Variants in POLQ observed in about 807,000 individuals in gnomAD.
POLQ encodes DNA polymerase theta, also known as epididymis secretory sperm binding protein.
Under a neutral mutation model 259.2 loss-of-function variants are expected in POLQ, and 233 were observed. That is an observed-to-expected ratio of 0.90 (90% CI 0.81 to 1.00). The LOEUF (loss-of-function observed/expected upper bound fraction) is 1.00, where lower values mean the gene tolerates loss of function less well. Ranked by LOEUF, POLQ falls within the 50% of genes least tolerant of loss-of-function variation. POLQ has a pLI of 0.00. For missense variants in POLQ, 2,871 were observed against 3,051.6 expected (o/e 0.94, Z 1.39); for synonymous variants, 1,025 against 1,048.8 (o/e 0.98, Z 0.44).
chr3:121,480,830 T>C (rs557563128), intron 19 of POLQ, among the ~76,000 whole-genome samples: 15 of 152,152 alleles, frequency 9.9e-5, no homozygotes, highest in African/African-American at 2.9e-4. Flanking sequence ...GTCCCTCAGC[T>C]CATAAGTGGA....
chr3:121,531,827 G>A (rs1037541369), intron 6 of POLQ, among the ~76,000 whole-genome samples: 7 of 152,218 alleles, frequency 4.6e-5, no homozygotes, highest in Non-Finnish European at 1.0e-4. Flanking sequence ...ATAGCCAGGC[G>A]AAATATGGGG....
chr3:121,509,037 C>T (rs1415084920), intron 12 of POLQ, among the ~76,000 whole-genome samples: 1 of 152,140 alleles, frequency 6.6e-6, no homozygotes, highest in African/African-American at 2.4e-5. Context: ...TCCAAAGTAT[C>T]CTTTTAGGAC....
At chr3:121,440,235 T>C in intron 26 of POLQ, 119 bp from the exon 27 acceptor site, 1 of 671,198 alleles carries the variant, frequency 1.5e-6, no homozygotes, top group Non-Finnish European at 2.5e-6. Context: ...ATTAATATCA[T>C]ATCGTCAAAT....
intron 22 of POLQ, among the ~76,000 whole-genome samples, chr3:121,468,907 C>A (rs1352804349): frequency 6.6e-6 from 1 of 152,150 alleles, no homozygotes; most frequent in Non-Finnish European, 1.5e-5. Flanking sequence ...ACTAGAAGTA[C>A]TGAATCAGGT....
chr3:121,480,463 T>TA (rs1428190608), intron 19 of POLQ, among the ~76,000 whole-genome samples: 2 of 152,078 alleles, frequency 1.3e-5, no homozygotes, highest in African/African-American at 4.8e-5. Context: ...ATTAACACTG[T>TA]AAAAAATGCA....
chr3:121,504,027 A>AT, intron 12 of POLQ, among the ~76,000 whole-genome samples: 1 of 152,186 alleles, frequency 6.6e-6, no homozygotes, highest in South Asian at 2.1e-4. Context: ...TAATTTTTGT[A>AT]TTTTGTAATT....
Position 121,460,174 on chromosome 3 carries a change from G to C in POLQ, c.7028C>G (p.Ser2343Cys), listed in dbSNP as rs746607693. 1.2e-6 allele frequency: 2 copies of C among 1,612,992 alleles called. No individual in the cohort carries two copies. The highest frequency in any genetic ancestry group is 2.2e-5 in the East Asian group (1 of 44,866). The part of the protein sequence containing the change: ...QLELRILAHL[S>C]HDRRLIQVLN... The stretch of plus-strand genomic sequence containing the variant: ...CACTTGAATGAGACGACGATCATGG[G>C]ATAAATGAGCCAAGATCCTCAGTTC... The change falls in exon 25 of 30, where the codon TCC (serine) becomes TGC (cysteine). Residue 2343 changes from serine to cysteine, a missense_variant. Coordinates refer to ENST00000264233, the MANE Select transcript of POLQ (RefSeq NM_199420.4).
At chr3:121,456,715 TGC>T (rs1560088702) in intron 25 of POLQ, among the ~76,000 whole-genome samples, 2 of 151,936 alleles carry the variant, frequency 1.3e-5, no homozygotes, top group African/African-American at 2.4e-5. Flanking sequence ...TACAAACCAC[TGC>T]TCAAGGAAAT....
chr3:121,544,971 C>A, intron 1 of POLQ, 65 bp from the exon 2 acceptor site: 1 of 989,872 alleles, frequency 1.0e-6, no homozygotes, highest in Non-Finnish European at 1.5e-6. Context: ...ACAGTTAGCC[C>A]TTCACCGTGT....
chr3:121,537,310 C>G (rs1290806959), intron 4 of POLQ, 102 bp from the exon 5 acceptor site: 2 of 692,858 alleles, frequency 2.9e-6, no homozygotes, highest in African/African-American at 3.6e-5. Context: ...TTTATATCAA[C>G]TTTTATTTTA....
rs1471668928 is a variant in POLQ, at chr3:121,509,551, CA to C, written c.1959+9del. ...ATTTTCACAAACATAATTGTTAAAACAGAACTTACCAGATAGAGAATATGAA... is the reference window on the plus strand; with the variant it reads ...ATTTTCACAAACATAATTGTTAAAACGAACTTACCAGATAGAGAATATGAA... On this transcript the variant is annotated intron_variant, in intron 12 of 29. Transcript: ENST00000264233. 1 of 1,601,328 alleles carries C rather than the reference CA, an allele frequency of 6.2e-7. No homozygotes were observed. The highest frequency in any genetic ancestry group is 1.3e-5 in the African/African-American group (1 of 74,262).
In POLQ at chr3:121,545,871, G is replaced by C. The variant is rs1021459056; in HGVS notation, c.7C>G (p.Leu3Val). 1 of 1,613,922 alleles carries C rather than the reference G, an allele frequency of 6.2e-7. No homozygotes were observed. The change falls in exon 1 of 30, where the codon CTT (leucine) becomes GTT (valine). Residue 3 changes from leucine (L) to valine (V), a missense_variant. By Grantham distance (32) the Leu-to-Val change is conservative. Coordinates refer to ENST00000264233, the MANE Select transcript of POLQ (RefSeq NM_199420.4). The part of the protein sequence containing the change: MN[L>V]LRRSGKRRRS... ...CGCCGTTTCCCACTCCGACGCAGAA[G>C]ATTCATGGCAAACTCTTCTCGGCCG... is the stretch of plus-strand genomic sequence containing the variant.
At chr3:121,433,339 G>T (rs553004802) in intron 28 of POLQ, among the ~76,000 whole-genome samples, 1 of 152,134 alleles carries the variant, frequency 6.6e-6, no homozygotes, top group Non-Finnish European at 1.5e-5. Flanking sequence ...TCTATCCATG[G>T]AGTCCCCCAA....
chr3:121,529,533 G>T, intron 7 of POLQ, 112 bp downstream of exon 7: 1 of 962,270 alleles, frequency 1.0e-6, no homozygotes, highest in Non-Finnish European at 1.6e-6. Context: ...CACCTAGTGG[G>T]CAGGCAGTGA....
At chr3:121,539,799 T>A (rs952448912) in intron 3 of POLQ, among the ~76,000 whole-genome samples, 2 of 152,160 alleles carry the variant, frequency 1.3e-5, no homozygotes, top group African/African-American at 4.8e-5. Context: ...AAGAGTCAAA[T>A]AAAATTATGC....
At position 121,489,892 on chromosome 3, in the gene POLQ, C is replaced by G. The variant is rs1242887323; in HGVS notation, c.3039G>C (p.Lys1013Asn). The change falls in exon 16 of 30, where the codon AAG becomes AAC. Residue 1013 changes from lysine (K) to asparagine (N), a missense_variant. Physicochemically the swap from Lys to Asn is moderately conservative, Grantham distance 94 (BLOSUM62 0). This residue lies in a region of POLQ where 2,080 missense variants were observed against 2,126.0 expected (regional missense o/e 0.98). Coordinates refer to ENST00000264233, the MANE Select transcript of POLQ (RefSeq NM_199420.4). ...TCTGTGAAAAAGTCTGAACAACTTT[C>G]TTATCACTTGTTTTCCCCTCATTCT... ...ASQNEGKTSD[K>N]KVVQTFSQKT... 1 of 1,601,572 alleles carries G rather than the reference C, an allele frequency of 6.2e-7. No homozygotes were observed. The highest frequency in any genetic ancestry group is 1.8e-5 in the Admixed American group (1 of 56,312).
In POLQ at chr3:121,489,672, T is replaced by C; in HGVS notation, c.3259A>G (p.Lys1087Glu). Reference sequence around the variant, plus strand: ...CCTGAATTTCTAAATTCCGTTTTCTTCTCATCTAAGGTAAACGGGTCTTCA... The same window carrying C: ...CCTGAATTTCTAAATTCCGTTTTCTCCTCATCTAAGGTAAACGGGTCTTCA... ...LCEDPFTLDE[K>E]KTEFRNSGPF... is the part of the protein sequence containing the mutation. The change falls in exon 16 of 30, where the codon AAG becomes GAG. Residue 1087 changes from lysine to glutamate, a missense_variant. Lys to Glu is a moderately conservative substitution (Grantham distance 56, BLOSUM62 1). Transcript: ENST00000264233. The C allele has an allele frequency of 6.2e-7, 1 of 1,614,064 alleles. No individual in the cohort carries two copies. Among genetic ancestry groups the C allele is most frequent in the Non-Finnish European group, 8.5e-7 (1 of 1,179,990 alleles).
intron 4 of POLQ, 83 bp from the exon 5 acceptor site, chr3:121,537,291 TTAA>T: frequency 1.3e-6 from 1 of 755,878 alleles, no homozygotes; most frequent in Non-Finnish European, 2.3e-6. Context: ...TTCACTCTAT[TTAA>T]TTTCCTTTAT....
At chr3:121,544,602 T>C (rs1266989575) in intron 2 of POLQ, 125 bp downstream of exon 2, 1 of 601,214 alleles carries the variant, frequency 1.7e-6, no homozygotes, top group Non-Finnish European at 2.9e-6. Flanking sequence ...ACACATATTG[T>C]ACGATTTTCT....
Sources: allele counts gnomAD v4.1 joint callset (sites outside exome capture counted in the v4.1 genomes callset), GRCh38; gene constraint gnomAD v4.1.1; regional missense constraint gnomAD v4.1.1; transcripts MANE v1.5; gene names NCBI Gene and HGNC (gene_info 2026-07-23, HGNC 2026-07-21).